AOPEP: variants seen among roughly 807,000 people sequenced by gnomAD.
AOPEP encodes aminopeptidase O.
Under a neutral mutation model 98.1 loss-of-function variants are expected in AOPEP, and 77 were observed. The ratio of observed to expected loss-of-function variants is 0.78; its 90% CI spans 0.65 to 0.95. AOPEP has a LOEUF of 0.95. AOPEP is among the 40% of genes least tolerant of loss of function. The probability of loss-of-function intolerance (pLI) is 0.00; values close to 1 mark genes in which losing one functional copy is unlikely to be tolerated. For synonymous variants in AOPEP, 346 were observed against 365.3 expected (o/e 0.95, Z 0.60); for missense variants, 1,024 against 1,024.7 (o/e 1.00, Z 0.01).
rs72746577 is a variant in AOPEP at position 94,834,808 on chromosome 9, G to A, written c.1364+33806G>A. 5.3e-3 allele frequency among the ~76,000 whole-genome samples: 541 copies of A among 102,714 alleles called. 6 individuals carry two copies. The highest frequency in any genetic ancestry group is 0.04 in the East Asian group (132 of 3,330). 67.4% of individuals were successfully genotyped at this position (102,714 alleles called of 152,430 possible). On this transcript the variant is annotated intron_variant, in intron 5 of 16. Coordinates refer to ENST00000375315, the MANE Select transcript of AOPEP (RefSeq NM_001193329.3). ...ACTGTCTCTAAATGCATGCATGCATGCATGCATACATACATACATACATAC... is the reference window on the plus strand; with the variant it reads ...ACTGTCTCTAAATGCATGCATGCATACATGCATACATACATACATACATAC...
intron 5 of AOPEP, among the ~76,000 whole-genome samples, chr9:94,886,185 A>G (rs2048220795): frequency 6.6e-6 from 1 of 150,932 alleles, no homozygotes; most frequent in Non-Finnish European, 1.5e-5. Context: ...CCAAAGGAGA[A>G]GCAGAAGCCA....
At chr9:94,750,914 AT>A (rs1396037823) in intron 1 of AOPEP, among the ~76,000 whole-genome samples, 2 of 151,306 alleles carry the variant, frequency 1.3e-5, no homozygotes, top group Non-Finnish European at 2.9e-5. Context: ...CGCCCGGCTA[AT>A]TTTTTGTATT....
intron 14 of AOPEP, among the ~76,000 whole-genome samples, chr9:95,068,216 G>T (rs190557357): frequency 1.7e-3 from 254 of 152,304 alleles, no homozygotes; most frequent in Non-Finnish European, 2.8e-3. Context: ...AGAATTGCTG[G>T]ATTATAACCC....
chr9:94,975,029 A>T (rs1187422150), intron 10 of AOPEP, among the ~76,000 whole-genome samples: 2 of 152,146 alleles, frequency 1.3e-5, no homozygotes, highest in African/African-American at 4.8e-5. Context: ...CAGGAGTTTA[A>T]GACCAGTTTG....
At chr9:94,924,319 G>C (rs891813402) in intron 6 of AOPEP, 144 bp downstream of exon 6, 1 of 520,548 alleles carries the variant, frequency 1.9e-6, no homozygotes. Context: ...AAATAAGAGA[G>C]GGAAGCCCCT....
At chr9:95,089,245 T>G (rs961054243), downstream of AOPEP, among the ~76,000 whole-genome samples, 1 of 152,196 alleles carries the variant, frequency 6.6e-6, no homozygotes, top group Non-Finnish European at 1.5e-5. Flanking sequence ...GAGACAGATG[T>G]GACCAGTACT....
At chr9:94,900,900 T>C (rs1273777109) in intron 5 of AOPEP, 1 of 152,222 alleles carries the variant, frequency 6.6e-6, no homozygotes, top group Admixed American at 6.5e-5. Flanking sequence ...CACAAGTAAG[T>C]TGAATGCTTT....
intron 10 of AOPEP, among the ~76,000 whole-genome samples, chr9:94,969,433 A>C (rs532720456): frequency 2.2e-4 from 29 of 130,064 alleles, no homozygotes; most frequent in African/African-American, 8.1e-4. Context: ...TTTTTTTTTG[A>C]GGAGTCTTAC....
chr9:94,731,762 C>CT (rs981432288), intron 1 of AOPEP, among the ~76,000 whole-genome samples: 1 of 134,856 alleles, frequency 7.4e-6, no homozygotes, highest in African/African-American at 2.8e-5. Context: ...TTCCCCCTGC[C>CT]TTTTTTCCCT....
chr9:94,809,622 A>G (rs1422040790), intron 5 of AOPEP, among the ~76,000 whole-genome samples: 1 of 152,138 alleles, frequency 6.6e-6, no homozygotes, highest in Non-Finnish European at 1.5e-5. Context: ...CCCTCTTGGG[A>G]CTCACAGTTT....
At chr9:95,018,888 A>G (rs1043338674) in intron 13 of AOPEP, 1 of 152,224 alleles carries the variant, frequency 6.6e-6, no homozygotes, top group African/African-American at 2.4e-5. Context: ...TACTCACTCA[A>G]TACTTAATGC....
chr9:94,970,843 C>G (rs2059493569), intron 10 of AOPEP, among the ~76,000 whole-genome samples: 1 of 151,778 alleles, frequency 6.6e-6, no homozygotes, highest in Non-Finnish European at 1.5e-5. Context: ...TTTTCAGGTC[C>G]TCTCACAGAA....
At chr9:94,745,585 T>G (rs1217659547) in intron 1 of AOPEP, among the ~76,000 whole-genome samples, 2 of 152,212 alleles carry the variant, frequency 1.3e-5, no homozygotes, top group Non-Finnish European at 2.9e-5. Context: ...ATTGTTTTAA[T>G]TTTTAGCTCC....
At chr9:95,101,329 A>G in the AOPEP span, 1 of 359,410 alleles carries the variant, frequency 2.8e-6, no homozygotes, top group Admixed American at 4.2e-5. Context: ...TTCATGACCA[A>G]ATTCTTGGTT....
intron 13 of AOPEP, among the ~76,000 whole-genome samples, chr9:95,016,140 T>C (rs541784924): frequency 6.6e-5 from 10 of 152,164 alleles, no homozygotes; most frequent in Admixed American, 3.3e-4. Context: ...TTTTTTTTTT[T>C]TTCCCCCCAC....
chr9:94,926,159 A>C (rs2054288617), intron 6 of AOPEP, among the ~76,000 whole-genome samples: 1 of 152,134 alleles, frequency 6.6e-6, no homozygotes, highest in South Asian at 2.1e-4. Context: ...ATCTCCAAAG[A>C]GTGCTCCTCC....
At chr9:94,936,717 G>C (rs1588980320) in intron 7 of AOPEP, among the ~76,000 whole-genome samples, 1 of 152,280 alleles carries the variant, frequency 6.6e-6, no homozygotes, top group African/African-American at 2.4e-5. Context: ...AGTCCCACAA[G>C]ACTGCCTTCC....
At chr9:94,760,640 C>G in intron 2 of AOPEP, 60 bp downstream of exon 2, 4 of 1,358,298 alleles carry the variant, frequency 2.9e-6, no homozygotes, top group Non-Finnish European at 4.0e-6. Flanking sequence ...TGCGGGGATG[C>G]TTTCAAACAT....
At position 94,786,197 on chromosome 9, in the gene AOPEP, T is replaced by C. The variant is rs1430260359; in HGVS notation, c.965-6568T>C. Among the ~76,000 whole-genome samples, 3 of 152,256 alleles carry C rather than the reference T, an allele frequency of 2.0e-5. No homozygotes were observed. The East Asian group carries it at 5.8e-4, about 29-fold the overall frequency. On this transcript the variant is annotated intron_variant, in intron 3 of 16. Coordinates refer to ENST00000375315, the MANE Select transcript of AOPEP (RefSeq NM_001193329.3). ...AACACTTACTTTGTGCCAATTATTA[T>C]GCCTAGTGATCACTCTATAGATTAT...
Sources: allele counts gnomAD v4.1 joint callset (sites outside exome capture counted in the v4.1 genomes callset), GRCh38; gene constraint gnomAD v4.1.1; transcripts MANE v1.5; gene names NCBI Gene and HGNC (gene_info 2026-07-23, HGNC 2026-07-21).